The following SPATA21 variants were observed in gnomAD, a reference collection of about 807,000 sequenced individuals.
SPATA21 encodes the protein spermatogenesis associated 21, also known as spermatogenesis-associated protein 21.
A neutral mutation model predicts 54.8 loss-of-function variants in SPATA21; 47 were observed. The ratio of observed to expected loss-of-function variants is 0.86; its 90% CI spans 0.68 to 1.09. The LOEUF (loss-of-function observed/expected upper bound fraction) is 1.09. Among genes scored for constraint, SPATA21 ranks in the 50% least tolerant of loss-of-function variants. The pLI, the probability that SPATA21 is intolerant of heterozygous loss-of-function variation, is 0.00. For synonymous variants in SPATA21, 245 were observed against 235.3 expected, an observed-to-expected ratio of 1.04 and a Z score of -0.38; for missense variants, 599 against 596.4, an observed-to-expected ratio of 1.00 and a Z score of -0.05.
chr1:16,402,246 A>ATTT lies in SPATA21; in HGVS notation c.1002-1355_1002-1354insAAA, dbSNP rs780999908. ...TTTCTTCTGGCAGTTCTGAGCTGCC[A>ATTT]TTCTTTTTTTTTTTTTTTTTTTTTT... On this transcript the variant is annotated intron_variant, in intron 10 of 12. Transcript: ENST00000335496. 4.5e-4 allele frequency among the ~76,000 whole-genome samples: 33 copies of ATTT among 73,312 alleles called. 1 individual carries two copies. Among genetic ancestry groups the ATTT allele is most frequent in the Non-Finnish European group, 6.8e-4 (25 of 36,676 alleles). 48.1% of individuals were successfully genotyped at this position (73,312 alleles called of 152,430 possible). A position where few individuals can be genotyped will look rare whatever the true frequency, so the allele number is the denominator to read the frequency against.
rs1377242827 is a variant in SPATA21, at chr1:16,409,376, A to C, written c.588-173T>G. 1.3e-5 allele frequency among the ~76,000 whole-genome samples: 2 copies of C among 152,138 alleles called. No homozygotes were observed. Among genetic ancestry groups the C allele is most frequent in the African/African-American group, 4.8e-5 (2 of 41,424 alleles). On this transcript the variant is annotated intron_variant, in intron 6 of 12. Transcript: ENST00000335496. The surrounding 1 kb of genome is among the most constrained non-coding windows in gnomAD (Gnocchi z 4.1). ...ATCCAGAGGAGAAGTGGGACAGAGGAGAGGGGACTAGAGGGAGACCCCTTC... is the reference window on the plus strand; with the variant it reads ...ATCCAGAGGAGAAGTGGGACAGAGGCGAGGGGACTAGAGGGAGACCCCTTC...
intron 10 of SPATA21, among the ~76,000 whole-genome samples, chr1:16,402,818 CG>C (rs1422653089): frequency 2.6e-5 from 4 of 152,078 alleles, no homozygotes; most frequent in Non-Finnish European, 5.9e-5. Flanking sequence ...CCCAGCTACT[CG>C]GGAAACTGAG....
At position 16,404,961 on chromosome 1, in the gene SPATA21, A is replaced by G. The variant is rs1319927187; in HGVS notation, c.811+6T>C. ...GGGATGCAGAGTGGAGCCCTCTGCCACTCACCATTGACATCAGCACTCATC... is the reference window on the plus strand; with the variant it reads ...GGGATGCAGAGTGGAGCCCTCTGCCGCTCACCATTGACATCAGCACTCATC... On this transcript the variant is annotated splice_donor_region_variant and intron_variant, in intron 8 of 12. Transcript: ENST00000335496. 1.9e-6 allele frequency: 3 copies of G among 1,563,988 alleles called. No individual in the cohort carries two copies. Among genetic ancestry groups the G allele is most frequent in the Non-Finnish European group, 1.7e-6 (2 of 1,160,750 alleles).
chr1:16,417,724 C>T (rs762166097), intron 5 of SPATA21, among the ~76,000 whole-genome samples: 1 of 151,426 alleles, frequency 6.6e-6, no homozygotes, highest in South Asian at 2.1e-4. Context: ...CATGAGTCAC[C>T]GTGCCCGGCC....
At chr1:16,404,471 AAAAC>A (rs912061822) in intron 8 of SPATA21, among the ~76,000 whole-genome samples, 21 of 152,288 alleles carry the variant, frequency 1.4e-4, no homozygotes, top group African/African-American at 3.6e-4. Context: ...CTCTGTTGCA[AAAAC>A]AAACAAAAAA....
intron 5 of SPATA21, among the ~76,000 whole-genome samples, chr1:16,417,812 C>T (rs58784520): frequency 0.024 from 3,592 of 152,178 alleles, 134 homozygotes; most frequent in African/African-American, 0.078. Context: ...TCAGGTGATC[C>T]GCCCACCTCA....
At chr1:16,402,326 A>C (rs915409093) in intron 10 of SPATA21, among the ~76,000 whole-genome samples, 9 of 120,116 alleles carry the variant, frequency 7.5e-5, no homozygotes, top group Non-Finnish European at 1.3e-4. Context: ...CAGTGGTGGC[A>C]TCTCAGCTCA....
chr1:16,402,006 C>G (rs1025456045), intron 10 of SPATA21, among the ~76,000 whole-genome samples: 1 of 152,182 alleles, frequency 6.6e-6, no homozygotes, highest in African/African-American at 2.4e-5. Context: ...TCTACTAACA[C>G]CGTGGGCCAA....
At chr1:16,425,444 G>A (rs951516606) in intron 3 of SPATA21, 4 of 1,419,590 alleles carry the variant, frequency 2.8e-6, no homozygotes, top group Non-Finnish European at 3.8e-6. Flanking sequence ...CCAGAATGGG[G>A]GGCATGATAG....
chr1:16,395,693 A>AC (rs1185895848), downstream of SPATA21: 7 of 155,496 alleles, frequency 4.5e-5, no homozygotes, highest in Non-Finnish European at 1.0e-4. Flanking sequence ...TGGTTTAATG[A>AC]ATTTTTAATT....
intron 7 of SPATA21, among the ~76,000 whole-genome samples, chr1:16,407,550 C>T (rs2085682176): frequency 6.6e-6 from 1 of 152,018 alleles, no homozygotes; most frequent in Admixed American, 6.6e-5. Context: ...ACCTCCACTT[C>T]CCAGGTTCAA....
intron 10 of SPATA21, among the ~76,000 whole-genome samples, chr1:16,401,302 G>A (rs141540922): frequency 6.6e-6 from 1 of 152,266 alleles, no homozygotes; most frequent in East Asian, 1.9e-4. Context: ...TTTGGGGAGG[G>A]GCGTGGCGGG....
intron 5 of SPATA21, among the ~76,000 whole-genome samples, chr1:16,418,055 A>G (rs2100848161): frequency 6.6e-6 from 1 of 152,226 alleles, no homozygotes; most frequent in South Asian, 2.1e-4. Context: ...CATCCTCCAG[A>G]GCAGGGAGCA....
intron 10 of SPATA21, 104 bp from the exon 11 acceptor site, chr1:16,400,996 C>A: frequency 1.4e-6 from 2 of 1,402,842 alleles, no homozygotes; most frequent in Non-Finnish European, 1.9e-6. Flanking sequence ...GAACACAAGC[C>A]TAGGAGTCAG....
chr1:16,429,552 G>A (rs777432243), intron 3 of SPATA21, among the ~76,000 whole-genome samples: 54 of 152,032 alleles, frequency 3.6e-4, no homozygotes, highest in Middle Eastern at 3.4e-3. Flanking sequence ...TCCGCTCACC[G>A]CAACCTCCAC....
At chr1:16,426,059 T>C (rs535492215) in intron 3 of SPATA21, among the ~76,000 whole-genome samples, 1 of 152,074 alleles carries the variant, frequency 6.6e-6, no homozygotes, top group East Asian at 2.0e-4. Context: ...AGAATTTAAG[T>C]TTTATAGTAT....
intron 10 of SPATA21, among the ~76,000 whole-genome samples, chr1:16,402,638 C>T (rs1175863318): frequency 6.6e-6 from 1 of 152,068 alleles, no homozygotes; most frequent in Non-Finnish European, 1.5e-5. Flanking sequence ...CTCACTGCAG[C>T]CTCGAACTCC....
intron 7 of SPATA21, among the ~76,000 whole-genome samples, chr1:16,408,339 G>A (rs1227674601): frequency 6.6e-6 from 1 of 152,162 alleles, no homozygotes; most frequent in Non-Finnish European, 1.5e-5. Context: ...GTGAGATGCA[G>A]TGGGAATGGG....
Position 16,409,738 on chromosome 1 carries a change from T to A in SPATA21, c.450A>T (p.Glu150Asp), listed in dbSNP as rs150826894. The A allele has an allele frequency of 1.1e-4, 182 of 1,610,700 alleles. No homozygotes were observed. The highest frequency in any genetic ancestry group is 1.5e-4 in the Non-Finnish European group (176 of 1,178,940). ...SWARLPAPGPEPAPMGAPVPT... is the reference protein window; with the variant it reads ...SWARLPAPGPDPAPMGAPVPT... ...GGACCGGGGCTCCCATGGGGGCAGG[T>A]TCTGGCCCAGGAGCTGGCAGCCGGG... Residue 150 changes from glutamate (E) to aspartate (D), a missense_variant, in exon 6 of 13, where the codon GAA becomes GAT. By Grantham distance (45) the Glu-to-Asp change is conservative. Coordinates refer to ENST00000335496, the MANE Select transcript of SPATA21 (RefSeq NM_198546.1). This position sits in a 1 kb window ranked among gnomAD's most constrained non-coding sequence, Gnocchi z 4.1.
Sources: gnomAD v4.1 joint callset for allele counts (sites outside exome capture counted in the v4.1 genomes callset) on GRCh38, gnomAD v4.1.1 for gene constraint, Gnocchi (gnomAD v3.1) non-coding constraint, MANE v1.5 for transcripts, NCBI Gene and HGNC (gene_info 2026-07-23, HGNC 2026-07-21) for gene names.